The following BLTP1 variants were observed in gnomAD, a reference collection of about 807,000 sequenced individuals.
BLTP1 encodes the protein fragile site-associated protein.
the BLTP1 span, among the ~76,000 whole-genome samples, chr4:122,252,062 C>T: frequency 6.6e-6 from 1 of 152,166 alleles, no homozygotes; most frequent in Admixed American, 6.5e-5. Flanking sequence ...GAAGGGAACC[C>T]ACTGCATTGA....
At chr4:122,353,066 C>T in the BLTP1 span, 1 of 1,613,840 alleles carries the variant, frequency 6.2e-7, no homozygotes, top group East Asian at 2.2e-5. The surrounding 1 kb of genome is among the most constrained non-coding windows in gnomAD (Gnocchi z 4.3). Context: ...TTTCATGGTC[C>T]AAATTTTCGT....
At chr4:122,311,237 C>T in the BLTP1 span, among the ~76,000 whole-genome samples, 1 of 152,100 alleles carries the variant, frequency 6.6e-6, no homozygotes, top group Non-Finnish European at 1.5e-5. Flanking sequence ...AATAATTTAG[C>T]ACCTCAGTAT....
chr4:122,209,373 A>G, the BLTP1 span: 5 of 1,600,044 alleles, frequency 3.1e-6, no homozygotes, highest in Non-Finnish European at 4.3e-6. Flanking sequence ...GGCCAGGCAC[A>G]GTGGCTCACG....
chr4:122,215,258 A>T, the BLTP1 span: 2 of 734,164 alleles, frequency 2.7e-6, no homozygotes, highest in Non-Finnish European at 1.7e-6. Flanking sequence ...TAGCAAATTG[A>T]ACATTAGACC....
At chr4:122,273,800 A>G in the BLTP1 span, among the ~76,000 whole-genome samples, 1 of 152,196 alleles carries the variant, frequency 6.6e-6, no homozygotes, top group South Asian at 2.1e-4. Flanking sequence ...ATAAACAAAC[A>G]TATGCCAGTT....
chr4:122,256,948 T>C, the BLTP1 span: 24 of 169,778 alleles, frequency 1.4e-4, no homozygotes, highest in South Asian at 9.8e-4. Flanking sequence ...GTAAAGTTGA[T>C]TGAATGCTTC....
At chr4:122,159,728 A>G in the BLTP1 span, among the ~76,000 whole-genome samples, 1 of 152,204 alleles carries the variant, frequency 6.6e-6, no homozygotes, top group African/African-American at 2.4e-5. Flanking sequence ...CTATTTGGAA[A>G]CAGGCGCAAA....
At chr4:122,161,915 A>G in the BLTP1 span, among the ~76,000 whole-genome samples, 3 of 152,244 alleles carry the variant, frequency 2.0e-5, no homozygotes, top group African/African-American at 7.2e-5. Flanking sequence ...ACTTTGTTGG[A>G]TATTGGATAC....
chr4:122,253,621 A>G, the BLTP1 span, among the ~76,000 whole-genome samples: 2 of 152,148 alleles, frequency 1.3e-5, no homozygotes, highest in East Asian at 3.9e-4. Flanking sequence ...GAAAAAAGGA[A>G]TGAAAAAGAA....
chr4:122,213,954 G>A, the BLTP1 span, among the ~76,000 whole-genome samples: 1 of 152,020 alleles, frequency 6.6e-6, no homozygotes, highest in South Asian at 2.1e-4. Context: ...TTTTTATAGT[G>A]ATAACATGTC....
At chr4:122,221,206 T>C in the BLTP1 span, 1 of 203,648 alleles carries the variant, frequency 4.9e-6, no homozygotes. Context: ...TTATATGTAG[T>C]AATTGATCAT....
At chr4:122,194,448 C>G in the BLTP1 span, 1 of 624,614 alleles carries the variant, frequency 1.6e-6, no homozygotes, top group Non-Finnish European at 2.0e-6. Flanking sequence ...AAATTTTCCT[C>G]TTCTGGTAAA....
the BLTP1 span, chr4:122,229,807 T>G: frequency 1.5e-6 from 2 of 1,360,780 alleles, no homozygotes; most frequent in South Asian, 3.9e-5. Flanking sequence ...TTCTTTTTCC[T>G]TTATTTTCTC....
At chr4:122,292,934 GA>G in the BLTP1 span, 9 of 337,332 alleles carry the variant, frequency 2.7e-5, no homozygotes, top group Non-Finnish European at 3.4e-5. Context: ...GAGCCTCAAG[GA>G]ACTGATACCC....
At chr4:122,272,087 G>A in the BLTP1 span, 3 of 1,530,502 alleles carry the variant, frequency 2.0e-6, no homozygotes, top group African/African-American at 4.1e-5. Context: ...AGAAAGGTAA[G>A]ACAATGTTTG....
chr4:122,359,751 T>C, the BLTP1 span: 3 of 1,572,728 alleles, frequency 1.9e-6, no homozygotes, highest in South Asian at 1.2e-5. Context: ...CATTTACCCA[T>C]ATGCTAAGGG....
chr4:122,326,844 GTT>G, the BLTP1 span, among the ~76,000 whole-genome samples: 5 of 151,608 alleles, frequency 3.3e-5, no homozygotes, highest in Admixed American at 6.6e-5. Flanking sequence ...TCTTACCAAA[GTT>G]TTAAAAATTG....
At chr4:122,339,950 T>C in the BLTP1 span, among the ~76,000 whole-genome samples, 37 of 152,294 alleles carry the variant, frequency 2.4e-4, no homozygotes, top group African/African-American at 7.9e-4. Context: ...CCTGAGATGA[T>C]AGGCATTCCT....
At chr4:122,218,049 C>T in the BLTP1 span, among the ~76,000 whole-genome samples, 3 of 151,904 alleles carry the variant, frequency 2.0e-5, no homozygotes, top group Admixed American at 6.6e-5. Context: ...TCTGTGGTAT[C>T]GGTTATAATA....
Sources: gnomAD v4.1 joint callset for allele counts (sites outside exome capture counted in the v4.1 genomes callset) on GRCh38, gnomAD v4.1.1 for gene constraint, Gnocchi (gnomAD v3.1) non-coding constraint, MANE v1.5 for transcripts, NCBI Gene and HGNC (gene_info 2026-07-23, HGNC 2026-07-21) for gene names.